The following BACH2 variants were observed in gnomAD, a reference collection of about 807,000 sequenced individuals.
BACH2 encodes BACH transcriptional regulator 2.
Under a neutral mutation model 61.8 loss-of-function variants are expected in BACH2, and 5 were observed. The observed-to-expected ratio is 0.08, with a 90% CI of 0.04 to 0.17. BACH2 has a LOEUF of 0.17. Ranked by LOEUF, BACH2 falls within the 10% of genes least tolerant of loss-of-function variation. The probability of loss-of-function intolerance (pLI) is 1.00; values close to 1 mark genes in which losing one functional copy is unlikely to be tolerated. For synonymous variants in BACH2, 446 were observed against 440.1 expected, an observed-to-expected ratio of 1.01 and a Z score of -0.17; for missense variants, 824 against 1,091.1, an observed-to-expected ratio of 0.76 and a Z score of 3.45.
intron 2 of BACH2, among the ~76,000 whole-genome samples, chr6:90,269,099 T>C (rs1176989043): frequency 6.6e-6 from 1 of 152,082 alleles, no homozygotes; most frequent in East Asian, 1.9e-4. Flanking sequence ...TTCATTTTTT[T>C]CTCCCCTCTC....
At chr6:90,053,444 AATTT>A (rs974624040) in intron 5 of BACH2, among the ~76,000 whole-genome samples, 3 of 151,852 alleles carry the variant, frequency 2.0e-5, no homozygotes, top group Non-Finnish European at 2.9e-5. Flanking sequence ...CCATTTGGCT[AATTT>A]ATTTATTTAT....
intron 6 of BACH2, among the ~76,000 whole-genome samples, chr6:89,989,239 AAATC>A (rs1381169055): frequency 2.6e-5 from 4 of 152,232 alleles, no homozygotes; most frequent in Non-Finnish European, 5.9e-5. Flanking sequence ...ATTGTAAAAC[AAATC>A]TCCAGAACCT....
chr6:90,274,316 C>T (rs943689), intron 1 of BACH2, among the ~76,000 whole-genome samples: 40,947 of 151,874 alleles, frequency 0.27, 6,047 homozygotes, highest in Non-Finnish European at 0.34. Context: ...TTTACAAAAC[C>T]CAGAAAGTCC....
At chr6:90,248,952 G>A (rs527423732) in intron 3 of BACH2, among the ~76,000 whole-genome samples, 27 of 152,118 alleles carry the variant, frequency 1.8e-4, no homozygotes, top group Non-Finnish European at 1.3e-4. Flanking sequence ...ATCAAAAGAA[G>A]GAGTTAAAAA....
intron 5 of BACH2, among the ~76,000 whole-genome samples, chr6:90,063,297 C>T (rs959354014): frequency 1.2e-4 from 19 of 152,200 alleles, no homozygotes; most frequent in Admixed American, 1.0e-3. Flanking sequence ...GAGATTCTGC[C>T]TGCTAATTAC....
At chr6:90,007,520 T>C (rs1469442138) in intron 6 of BACH2, among the ~76,000 whole-genome samples, 2 of 152,072 alleles carry the variant, frequency 1.3e-5, no homozygotes, top group Non-Finnish European at 2.9e-5. Context: ...GCTTGCCCCA[T>C]CACTTCCTAC....
intron 2 of BACH2, among the ~76,000 whole-genome samples, chr6:90,267,010 G>A (rs1771356949): frequency 6.6e-6 from 1 of 151,994 alleles, no homozygotes; most frequent in Non-Finnish European, 1.5e-5. Context: ...CCCACCCTGT[G>A]CCCTTTTTAC....
chr6:90,082,157 C>T lies in BACH2; in HGVS notation c.-13+6804G>A, dbSNP rs536553443. Among the ~76,000 whole-genome samples the T allele has an allele frequency of 5.3e-5, 8 of 152,150 alleles. No individual in the cohort carries two copies. The South Asian group carries it at 1.7e-3, about 32-fold the overall frequency. On this transcript the variant is annotated intron_variant, in intron 5 of 8. Transcript: ENST00000257749. ...ATGCGGAATGGGAAGATCTGGCTAA[C>T]TCAACCTTTCCCATTTCTGCCAAAT...
At chr6:90,078,458 TAAG>T (rs1781572194) in intron 5 of BACH2, among the ~76,000 whole-genome samples, 2 of 152,144 alleles carry the variant, frequency 1.3e-5, no homozygotes, top group Non-Finnish European at 1.5e-5. Flanking sequence ...ATTAGTAACC[TAAG>T]AAGAAGCAAA....
At chr6:89,985,798 T>C (rs1582143503) in intron 6 of BACH2, among the ~76,000 whole-genome samples, 1 of 152,156 alleles carries the variant, frequency 6.6e-6, no homozygotes, top group African/African-American at 2.4e-5. Flanking sequence ...GAAAGCCCCT[T>C]CCAACAGCTG....
intron 8 of BACH2, 49 bp downstream of exon 8, chr6:89,938,095 T>C (rs760843879): frequency 1.3e-6 from 2 of 1,547,286 alleles, no homozygotes; most frequent in Non-Finnish European, 1.8e-6. Context: ...TACTTTACAT[T>C]AGTCCTGGTC....
At chr6:89,997,144 T>C (rs1338734553) in intron 6 of BACH2, among the ~76,000 whole-genome samples, 1 of 152,162 alleles carries the variant, frequency 6.6e-6, no homozygotes, top group Admixed American at 6.5e-5. Context: ...TCCTGTATAG[T>C]TGGGATGCTA....
At chr6:89,938,106 A>G in intron 8 of BACH2, 38 bp downstream of exon 8, 1 of 1,577,058 alleles carries the variant, frequency 6.3e-7, no homozygotes, top group Non-Finnish European at 8.7e-7. Flanking sequence ...AGTCCTGGTC[A>G]CTTCAGGTTG....
chr6:90,037,565 T>C (rs551160556), intron 5 of BACH2, among the ~76,000 whole-genome samples: 8 of 152,254 alleles, frequency 5.3e-5, no homozygotes, highest in Non-Finnish European at 8.8e-5. Flanking sequence ...CCTACCTCTT[T>C]CTGCAAGAGC....
At chr6:90,029,979 T>C (rs1225389720) in intron 5 of BACH2, among the ~76,000 whole-genome samples, 1 of 152,216 alleles carries the variant, frequency 6.6e-6, no homozygotes, top group Non-Finnish European at 1.5e-5. Flanking sequence ...TTTGCAGAGA[T>C]GCTGAGTAGA....
At chr6:90,181,038 T>C (rs533483204) in intron 4 of BACH2, among the ~76,000 whole-genome samples, 4 of 152,182 alleles carry the variant, frequency 2.6e-5, no homozygotes, top group African/African-American at 4.8e-5. Context: ...TACCCAGTAG[T>C]GGGATTGCTG....
At chr6:90,027,614 G>A (rs559888134) in intron 5 of BACH2, among the ~76,000 whole-genome samples, 5 of 152,198 alleles carry the variant, frequency 3.3e-5, no homozygotes, top group Admixed American at 1.3e-4. Flanking sequence ...ACAGTGTTTC[G>A]CACTTTCTTG....
chr6:90,020,191 T>C (rs1778297778), intron 5 of BACH2, among the ~76,000 whole-genome samples: 2 of 152,206 alleles, frequency 1.3e-5, no homozygotes, highest in South Asian at 2.1e-4. Context: ...TAATGGAACA[T>C]ACCTTTCTGC....
At chr6:90,108,441 G>C (rs1015001673) in intron 4 of BACH2, among the ~76,000 whole-genome samples, 1 of 152,140 alleles carries the variant, frequency 6.6e-6, no homozygotes, top group African/African-American at 2.4e-5. Flanking sequence ...ACATAATAAG[G>C]AGAGGTCAAG....
Sources: gnomAD v4.1 joint callset for allele counts (sites outside exome capture counted in the v4.1 genomes callset) on GRCh38, gnomAD v4.1.1 for gene constraint, MANE v1.5 for transcripts, NCBI Gene and HGNC (gene_info 2026-07-23, HGNC 2026-07-21) for gene names.